Variants in OSTF1 observed in about 807,000 individuals in gnomAD.
OSTF1 encodes osteoclast-stimulating factor 1.
A neutral mutation model predicts 37.2 loss-of-function variants in OSTF1; 27 were observed. That is an observed-to-expected ratio of 0.73 (90% CI 0.54 to 1.00). The LOEUF is 1.00. Ranked by LOEUF, OSTF1 falls within the 50% of genes least tolerant of loss-of-function variation. The pLI, the probability that OSTF1 is intolerant of heterozygous loss-of-function variation, is 0.00. For missense variants in OSTF1, 232 were observed against 253.8 expected, an observed-to-expected ratio of 0.91 and a Z score of 0.58; for synonymous variants, 82 against 89.2, an observed-to-expected ratio of 0.92 and a Z score of 0.46.
At chr9:75,108,885 C>T (rs78376050) in intron 1 of OSTF1, among the ~76,000 whole-genome samples, 5,710 of 152,152 alleles carry the variant, frequency 0.038, 148 homozygotes, top group African/African-American at 0.069. Flanking sequence ...TACAGAAGTC[C>T]CATCAGGCTG....
At chr9:75,136,107 A>AG (rs1825838601) in intron 7 of OSTF1, among the ~76,000 whole-genome samples, 1 of 152,188 alleles carries the variant, frequency 6.6e-6, no homozygotes, top group African/African-American at 2.4e-5. Context: ...AGTCAAGAGG[A>AG]GGGGGCCTGT....
At chr9:75,105,984 G>A (rs4744736) in intron 1 of OSTF1, among the ~76,000 whole-genome samples, 1 of 152,040 alleles carries the variant, frequency 6.6e-6, no homozygotes, top group African/African-American at 2.4e-5. Context: ...TAAACAGAAC[G>A]CTCTTGTCAG....
chr9:75,146,646 T>A (rs1233982023), intron 9 of OSTF1, 37 bp from the exon 10 acceptor site: 11 of 1,424,810 alleles, frequency 7.7e-6, no homozygotes, highest in South Asian at 1.2e-5. Context: ...AGTTTATAAT[T>A]TCCCTATTTT....
intron 9 of OSTF1, among the ~76,000 whole-genome samples, chr9:75,143,294 A>G (rs1035210026): frequency 1.3e-5 from 2 of 152,190 alleles, no homozygotes; most frequent in African/African-American, 2.4e-5. Flanking sequence ...GATAACTAGG[A>G]TATAGGGCTG....
At chr9:75,103,622 A>G (rs535829631) in intron 1 of OSTF1, among the ~76,000 whole-genome samples, 1 of 152,276 alleles carries the variant, frequency 6.6e-6, no homozygotes, top group African/African-American at 2.4e-5. Flanking sequence ...ATAAACTCTT[A>G]TTTTTAATTA....
chr9:75,122,075 T>C (rs1000093404), intron 2 of OSTF1, among the ~76,000 whole-genome samples: 2 of 152,182 alleles, frequency 1.3e-5, no homozygotes, highest in African/African-American at 4.8e-5. Flanking sequence ...TTTGGTTCTT[T>C]TTTCTCACCC....
At chr9:75,117,617 C>G (rs762747586) in intron 2 of OSTF1, 67 bp downstream of exon 2, 2 of 1,160,900 alleles carry the variant, frequency 1.7e-6, no homozygotes, top group Non-Finnish European at 2.6e-6. Context: ...TTAGACATTT[C>G]CTCTGGTGTG....
intron 2 of OSTF1, among the ~76,000 whole-genome samples, chr9:75,120,068 T>C (rs1049184555): frequency 4.6e-5 from 7 of 152,152 alleles, no homozygotes; most frequent in African/African-American, 1.7e-4. Flanking sequence ...CAGTCATATA[T>C]GGAAGTACAG....
At chr9:75,095,674 A>G (rs1825068388) in intron 1 of OSTF1, among the ~76,000 whole-genome samples, 1 of 152,210 alleles carries the variant, frequency 6.6e-6, no homozygotes, top group African/African-American at 2.4e-5. Context: ...TTCTCTGAAT[A>G]AAGGGAAGGC....
At chr9:75,129,159 G>A (rs1370583172) in intron 3 of OSTF1, among the ~76,000 whole-genome samples, 1 of 152,128 alleles carries the variant, frequency 6.6e-6, no homozygotes, top group Non-Finnish European at 1.5e-5. Flanking sequence ...GCATCAATTA[G>A]GGCAACAACT....
chr9:75,144,635 CCTT>C (rs570790321), intron 9 of OSTF1, among the ~76,000 whole-genome samples: 22 of 152,066 alleles, frequency 1.4e-4, no homozygotes, highest in Non-Finnish European at 2.5e-4. Flanking sequence ...ACTGATCATC[CCTT>C]CTTCTTTTCT....
intron 1 of OSTF1, among the ~76,000 whole-genome samples, chr9:75,107,351 C>T (rs1033777): frequency 0.048 from 7,257 of 152,022 alleles, 222 homozygotes; most frequent in Middle Eastern, 0.078. Context: ...TTAGTACCCA[C>T]GGGGTATAAA....
rs767920508 is a variant in OSTF1, at chr9:75,146,773, C to G, written c.*32C>G. The G allele has an allele frequency of 3.3e-6, 5 of 1,524,006 alleles. No homozygotes were observed. The African/African-American group carries it at 6.9e-5, about 21-fold the overall frequency. The allele number at this position is 1,524,006 out of a possible 1,614,324, so 94.4% of individuals were successfully genotyped here. ...TCTGGAGCTTTGAGATCTAAAACTT[C>G]TGTTGCTTTTGCCATTCCAAAACTT... On this transcript the variant is annotated 3_prime_UTR_variant, in exon 10 of 10. Transcript: ENST00000346234.
At chr9:75,103,675 C>T (rs1825234732) in intron 1 of OSTF1, among the ~76,000 whole-genome samples, 2 of 152,156 alleles carry the variant, frequency 1.3e-5, no homozygotes, top group Non-Finnish European at 2.9e-5. Flanking sequence ...TGCCGGAGTG[C>T]CAGGCTGGAG....
intron 2 of OSTF1, among the ~76,000 whole-genome samples, chr9:75,119,372 G>T (rs1217484698): frequency 6.6e-6 from 1 of 152,214 alleles, no homozygotes; most frequent in African/African-American, 2.4e-5. Flanking sequence ...AGCAAGAAAG[G>T]TAGGGTTTTT....
chr9:75,132,160 G>A (rs922561419), intron 5 of OSTF1, among the ~76,000 whole-genome samples: 1 of 152,178 alleles, frequency 6.6e-6, no homozygotes, highest in Non-Finnish European at 1.5e-5. Context: ...TTAAAATATG[G>A]TATGATAAGT....
chr9:75,092,935 T>C (rs1474864012), intron 1 of OSTF1, among the ~76,000 whole-genome samples: 1 of 152,134 alleles, frequency 6.6e-6, no homozygotes, highest in African/African-American at 2.4e-5. Context: ...TCATTGAAAC[T>C]TTCTCCCTTA....
intron 1 of OSTF1, among the ~76,000 whole-genome samples, chr9:75,099,828 C>T (rs1200571315): frequency 6.7e-6 from 1 of 148,948 alleles, no homozygotes; most frequent in Non-Finnish European, 1.5e-5. Context: ...GACTCTGTTT[C>T]AGAAAAAAAA....
intron 1 of OSTF1, among the ~76,000 whole-genome samples, chr9:75,113,771 T>C (rs1031850928): frequency 1.3e-5 from 2 of 152,194 alleles, no homozygotes; most frequent in Admixed American, 6.5e-5. Flanking sequence ...CTAATTAACA[T>C]GTGTTACCTT....
Sources: allele counts gnomAD v4.1 joint callset (sites outside exome capture counted in the v4.1 genomes callset), GRCh38; gene constraint gnomAD v4.1.1; transcripts MANE v1.5; gene names NCBI Gene and HGNC (gene_info 2026-07-23, HGNC 2026-07-21).